Variants in SPATA1 observed in about 807,000 individuals in gnomAD.
The protein encoded by SPATA1 is spermatogenesis-associated protein 1.
A neutral mutation model predicts 59.6 loss-of-function variants in SPATA1; 57 were observed. That is an observed-to-expected ratio of 0.96 (90% CI 0.77 to 1.19). The LOEUF (loss-of-function observed/expected upper bound fraction) is 1.19. Among genes scored for constraint, SPATA1 ranks in the 50% most tolerant of loss-of-function variants. SPATA1 has a pLI of 0.00. For missense variants in SPATA1, 448 were observed against 480.7 expected, an observed-to-expected ratio of 0.93 and a Z score of 0.64; for synonymous variants, 147 against 163.9, an observed-to-expected ratio of 0.90 and a Z score of 0.79.
At chr1:84,514,606 G>A (rs1000300596) in intron 1 of SPATA1, among the ~76,000 whole-genome samples, 10 of 152,158 alleles carry the variant, frequency 6.6e-5, no homozygotes, top group Non-Finnish European at 4.4e-5. Context: ...GTGGGGTCCT[G>A]TATAGGTTTA....
intron 12 of SPATA1, 147 bp downstream of exon 12, chr1:84,550,677 G>GAA: frequency 9.0e-7 from 1 of 1,116,618 alleles, no homozygotes; most frequent in Non-Finnish European, 1.1e-6. Context: ...GAGCATAGGT[G>GAA]AAAAAAAAAA....
intron 1 of SPATA1, among the ~76,000 whole-genome samples, chr1:84,515,921 T>C (rs1329388249): frequency 6.6e-6 from 1 of 152,182 alleles, no homozygotes; most frequent in Non-Finnish European, 1.5e-5. Context: ...AAATTCTGCC[T>C]TTCTACTTCC....
At chr1:84,522,304 G>C (rs1200777626) in intron 3 of SPATA1, 86 bp from the exon 4 acceptor site, 1 of 692,186 alleles carries the variant, frequency 1.4e-6, no homozygotes, top group Admixed American at 3.3e-5. Flanking sequence ...CTTTGTGTTT[G>C]AGATAGCTGA....
chr1:84,538,477 T>G (rs1044946128), intron 8 of SPATA1, among the ~76,000 whole-genome samples: 1 of 152,192 alleles, frequency 6.6e-6, no homozygotes, highest in Non-Finnish European at 1.5e-5. Context: ...GTAAGACATA[T>G]GTTTCTTAGG....
chr1:84,530,480 G>C (rs891722007), intron 6 of SPATA1, among the ~76,000 whole-genome samples: 8 of 152,184 alleles, frequency 5.3e-5, no homozygotes, highest in Admixed American at 4.6e-4. Context: ...TGCTTGCAAA[G>C]CTGAAGAGTT....
chr1:84,560,624 CTT>C (rs1346968093), intron 4 of SPATA1, among the ~76,000 whole-genome samples: 2 of 152,164 alleles, frequency 1.3e-5, no homozygotes, highest in Non-Finnish European at 1.5e-5. Flanking sequence ...CCATTTAAGA[CTT>C]TGCTAGCTAG....
intron 4 of SPATA1, among the ~76,000 whole-genome samples, chr1:84,523,050 A>C (rs1683090552): frequency 6.6e-6 from 1 of 151,942 alleles, no homozygotes; most frequent in Non-Finnish European, 1.5e-5. Flanking sequence ...GATTACAGGC[A>C]TGCGACACCA....
intron 11 of SPATA1, among the ~76,000 whole-genome samples, chr1:84,549,363 T>A (rs1439802574): frequency 6.6e-6 from 1 of 152,052 alleles, no homozygotes; most frequent in Non-Finnish European, 1.5e-5. Flanking sequence ...GGATGAGAAA[T>A]AGTTGCCAAG....
chr1:84,512,746 A>C (rs1334670235), intron 1 of SPATA1, among the ~76,000 whole-genome samples: 1 of 152,218 alleles, frequency 6.6e-6, no homozygotes, highest in Non-Finnish European at 1.5e-5. Flanking sequence ...TTACTGTGAT[A>C]ATTCATTTCT....
intron 2 of SPATA1, 111 bp from the exon 3 acceptor site, chr1:84,520,474 T>G: frequency 1.4e-6 from 1 of 704,080 alleles, no homozygotes; most frequent in Non-Finnish European, 2.2e-6. Context: ...GATGTATGTA[T>G]TCCATGTTTT....
intron 9 of SPATA1, among the ~76,000 whole-genome samples, chr1:84,545,406 G>GA (rs927489591): frequency 2.6e-4 from 39 of 151,988 alleles, no homozygotes; most frequent in African/African-American, 6.0e-4. Flanking sequence ...ATGAAATGCA[G>GA]AAAAAACACA....
At chr1:84,561,798 T>A (rs1047596584) in intron 4 of SPATA1, among the ~76,000 whole-genome samples, 3 of 152,242 alleles carry the variant, frequency 2.0e-5, no homozygotes, top group African/African-American at 7.2e-5. Context: ...CGTTATCATT[T>A]TTTTAGCAAT....
chr1:84,510,392 A>G (rs1181306161), intron 1 of SPATA1, among the ~76,000 whole-genome samples: 1 of 152,250 alleles, frequency 6.6e-6, no homozygotes, highest in Non-Finnish European at 1.5e-5. Context: ...AATGGCAAAC[A>G]GGTATATGAA....
At chr1:84,516,238 G>C (rs1324935804) in exon 2 of SPATA1, 1 of 740,412 alleles carries the variant, frequency 1.4e-6, no homozygotes, top group African/African-American at 1.9e-5. Flanking sequence ...AGAAATGAGT[G>C]GAATGCTATC....
intron 1 of SPATA1, chr1:84,506,915 A>T (rs1323344331): frequency 6.6e-6 from 1 of 152,178 alleles, no homozygotes; most frequent in Non-Finnish European, 1.5e-5. Context: ...TGAAGATTAC[A>T]CCTGTCTGCT....
rs1684337176 is a variant in SPATA1 at position 84,553,497 on chromosome 1, TAC to T, written c.*375_*376del. ...GAATACTAATATATTTGCATGAAAA[TAC>T]AGACTTCATTTAACTTAATTTGTTC... is the stretch of plus-strand genomic sequence containing the variant. On this transcript the variant is annotated 3_prime_UTR_variant, in exon 13 of 13. Coordinates refer to ENST00000490879, the Ensembl canonical transcript of SPATA1. 3 of 152,174 alleles carry T rather than the reference TAC, an allele frequency of 2.0e-5. No individual in the cohort carries two copies. In the South Asian group the frequency reaches 6.2e-4, roughly 32 times the overall value. The allele number at this position is 152,174 out of a possible 1,614,324, so 9.4% of individuals were successfully genotyped here.
At chr1:84,512,934 AC>A (rs1292658824) in intron 1 of SPATA1, among the ~76,000 whole-genome samples, 1 of 152,216 alleles carries the variant, frequency 6.6e-6, no homozygotes, top group Non-Finnish European at 1.5e-5. Context: ...CTTCATAGTC[AC>A]TTTATTTTTG....
intron 1 of SPATA1, 138 bp from the exon 2 acceptor site, chr1:84,516,085 C>G (rs188707233): frequency 9.9e-6 from 3 of 304,290 alleles, no homozygotes; most frequent in African/African-American, 2.2e-5. Context: ...GATTTATGCT[C>G]ATTTTATTAC....
At position 84,552,945 on chromosome 1, in the gene SPATA1, G is replaced by A. The variant is rs1256374930; in HGVS notation, c.1225-90G>A. 1.0e-5 allele frequency: 8 copies of A among 781,970 alleles called. 1 individual carries two copies. Among genetic ancestry groups the A allele is most frequent in the South Asian group, 5.2e-5 (3 of 57,904 alleles). The allele number at this position is 781,970 out of a possible 1,614,324, so 48.4% of individuals were successfully genotyped here. ...CCAAATGAGAGAAGACAGTTAAAGC[G>A]GTTACAAAAACCCTGTTTACATGAC... On this transcript the variant is annotated intron_variant, in intron 12 of 12. Transcript: ENST00000490879.
Sources: allele counts gnomAD v4.1 joint callset (sites outside exome capture counted in the v4.1 genomes callset), GRCh38; gene constraint gnomAD v4.1.1; transcripts MANE v1.5; gene names NCBI Gene and HGNC (gene_info 2026-07-23, HGNC 2026-07-21).